The following SDK1 variants were observed in gnomAD, a reference collection of about 807,000 sequenced individuals.
SDK1 encodes protein sidekick-1.
SDK1 carries 157 observed loss-of-function variants against 245.5 expected under a neutral mutation model. The observed-to-expected ratio is 0.64, with a 90% CI of 0.56 to 0.73. SDK1 has a LOEUF of 0.73. SDK1 is among the 30% of genes least tolerant of loss of function. The pLI is 0.00. For synonymous variants in SDK1, 1,647 were observed against 1,278.5 expected (o/e 1.29, Z -6.15); for missense variants, 3,583 against 3,002.3 (o/e 1.19, Z -4.52).
intron 1 of SDK1, among the ~76,000 whole-genome samples, chr7:3,362,192 T>C (rs1395182320): frequency 6.6e-6 from 1 of 152,218 alleles, no homozygotes; most frequent in African/African-American, 2.4e-5. Context: ...GAGAACCCTA[T>C]ATATCCCTGA....
chr7:4,080,678 C>G (rs1341717844), intron 22 of SDK1, among the ~76,000 whole-genome samples: 1 of 152,108 alleles, frequency 6.6e-6, no homozygotes, highest in Non-Finnish European at 1.5e-5. Context: ...AGAGCCCTAC[C>G]TCACATCATC....
At chr7:4,104,931 T>G (rs527628409) in intron 22 of SDK1, among the ~76,000 whole-genome samples, 4 of 152,084 alleles carry the variant, frequency 2.6e-5, no homozygotes, top group Non-Finnish European at 5.9e-5. Flanking sequence ...GATTTTGAAC[T>G]CCTGGGCTCA....
chr7:3,353,198 A>C (rs1780706254), intron 1 of SDK1, among the ~76,000 whole-genome samples: 1 of 152,176 alleles, frequency 6.6e-6, no homozygotes, highest in Admixed American at 6.5e-5. Flanking sequence ...GCATGGAAAG[A>C]TCCAAGAACC....
chr7:3,383,228 G>A (rs913152096), intron 1 of SDK1, among the ~76,000 whole-genome samples: 1 of 152,160 alleles, frequency 6.6e-6, no homozygotes, highest in Non-Finnish European at 1.5e-5. Flanking sequence ...CTGGGCAATA[G>A]TGAGACCCTG....
At position 3,578,139 on chromosome 7, in the gene SDK1, C is replaced by G. The variant is rs1214351645; in HGVS notation, c.299-40941C>G. Among the ~76,000 whole-genome samples, 3 of 151,978 alleles carry G rather than the reference C, an allele frequency of 2.0e-5. No individual in the cohort carries two copies. In the South Asian group the frequency reaches 6.2e-4, roughly 32 times the overall value. On this transcript the variant is annotated intron_variant, in intron 1 of 44. Coordinates refer to ENST00000404826, the MANE Select transcript of SDK1 (RefSeq NM_152744.4). ...CCCAATATTTCAACATAGGTTCTTT[C>G]TATTTTCCATTAGCATACAAAGAGA...
intron 4 of SDK1, among the ~76,000 whole-genome samples, chr7:3,726,958 T>C (rs983112010): frequency 6.6e-6 from 1 of 152,262 alleles, no homozygotes; most frequent in African/African-American, 2.4e-5. Context: ...ACACCATTTA[T>C]TGCATACTAA....
chr7:3,619,884 C>G (rs895408564), intron 2 of SDK1, among the ~76,000 whole-genome samples: 13 of 151,374 alleles, frequency 8.6e-5, no homozygotes, highest in Admixed American at 5.9e-4. Flanking sequence ...GGTGTAGATT[C>G]ACCTGGAGGC....
intron 1 of SDK1, among the ~76,000 whole-genome samples, chr7:3,462,973 G>A (rs1780879837): frequency 1.3e-5 from 2 of 152,146 alleles, no homozygotes. Flanking sequence ...ACCTCCCTGG[G>A]CTACCCCATT....
intron 1 of SDK1, among the ~76,000 whole-genome samples, chr7:3,568,486 C>T (rs927222456): frequency 2.7e-4 from 41 of 152,006 alleles, no homozygotes; most frequent in African/African-American, 9.7e-4. Flanking sequence ...CTTTGAATCC[C>T]TAAAATGATT....
chr7:3,971,971 G>C (rs370760502), intron 12 of SDK1, among the ~76,000 whole-genome samples: 4 of 152,016 alleles, frequency 2.6e-5, no homozygotes, highest in Admixed American at 6.6e-5. Context: ...TAGTTTCATC[G>C]TGAAATGGAG....
At chr7:4,054,356 T>C (rs1779072581) in intron 19 of SDK1, among the ~76,000 whole-genome samples, 1 of 152,254 alleles carries the variant, frequency 6.6e-6, no homozygotes, top group Non-Finnish European at 1.5e-5. Context: ...TGCGAAACTA[T>C]AGTATTGCAT....
At chr7:3,593,672 A>T (rs1276838043) in intron 1 of SDK1, among the ~76,000 whole-genome samples, 1 of 152,138 alleles carries the variant, frequency 6.6e-6, no homozygotes, top group African/African-American at 2.4e-5. Context: ...CTGATGGATG[A>T]TTCCCCTCCA....
chr7:4,000,919 G>A (rs528004854), intron 14 of SDK1, among the ~76,000 whole-genome samples: 3 of 152,112 alleles, frequency 2.0e-5, no homozygotes, highest in African/African-American at 7.2e-5. Flanking sequence ...GTTTATGAAG[G>A]GGGGACCATG....
At chr7:3,385,097 G>C (rs987869281) in intron 1 of SDK1, among the ~76,000 whole-genome samples, 3 of 152,142 alleles carry the variant, frequency 2.0e-5, no homozygotes, top group Non-Finnish European at 4.4e-5. Context: ...AGAGGGAAAA[G>C]ACCCTGAATT....
chr7:3,858,937 G>C (rs34807258), intron 5 of SDK1, among the ~76,000 whole-genome samples: 1 of 144,280 alleles, frequency 6.9e-6, no homozygotes, highest in African/African-American at 2.7e-5. Context: ...ATCTCGGCTC[G>C]CTGCAAGCTC....
In SDK1 at chr7:4,077,023, C is replaced by T. The variant is rs373825888; in HGVS notation, c.3036C>T (p.Tyr1012=). The T allele has an allele frequency of 1.2e-4, 196 of 1,614,028 alleles. No individual in the cohort carries two copies. The highest frequency in any genetic ancestry group is 4.9e-4 in the Middle Eastern group (3 of 6,062). Residue 1012 remains tyrosine (Y), a synonymous_variant, in exon 21 of 45, where the codon TAC becomes TAT. Transcript: ENST00000404826. ...ITGYQISWEV[Y]GRNDSRLTHT... ...GCTATCAGATCTCTTGGGAAGTGTA[C>T]GGCAGGAACGACTCTCGTCTCACGC...
chr7:3,491,326 C>T (rs1170392036), intron 1 of SDK1, among the ~76,000 whole-genome samples: 1 of 152,180 alleles, frequency 6.6e-6, no homozygotes, highest in African/African-American at 2.4e-5. Context: ...CTTCTCCAAC[C>T]ATTTACATCA....
At chr7:3,604,551 G>C (rs1454651487) in intron 1 of SDK1, among the ~76,000 whole-genome samples, 2 of 145,182 alleles carry the variant, frequency 1.4e-5, no homozygotes, top group East Asian at 2.1e-4. Context: ...TATTTTCATT[G>C]TTTTATTTAT....
intron 4 of SDK1, among the ~76,000 whole-genome samples, chr7:3,720,915 T>G (rs765695707): frequency 6.6e-6 from 1 of 152,204 alleles, no homozygotes; most frequent in Non-Finnish European, 1.5e-5. Flanking sequence ...TCGCTCATAA[T>G]AAGAAGTGAT....
Sources: allele counts gnomAD v4.1 joint callset (sites outside exome capture counted in the v4.1 genomes callset), GRCh38; gene constraint gnomAD v4.1.1; transcripts MANE v1.5; gene names NCBI Gene and HGNC (gene_info 2026-07-23, HGNC 2026-07-21).